SEL1L3: variants seen among roughly 807,000 people sequenced by gnomAD.
The protein encoded by SEL1L3 is SEL1L family member 3.
A neutral mutation model predicts 142.8 loss-of-function variants in SEL1L3; 76 were observed. The observed-to-expected ratio is 0.53, with a 90% CI of 0.44 to 0.64. The LOEUF (loss-of-function observed/expected upper bound fraction) is 0.64. Among genes scored for constraint, SEL1L3 ranks in the 30% least tolerant of loss-of-function variants. SEL1L3 has a pLI of 0.00. For missense variants in SEL1L3, 1,262 were observed against 1,381.7 expected (o/e 0.91, Z 1.37); for synonymous variants, 504 against 519.6 (o/e 0.97, Z 0.41).
At chr4:25,729,350 T>A in the SEL1L3 span, among the ~76,000 whole-genome samples, 4 of 146,348 alleles carry the variant, frequency 2.7e-5, no homozygotes, top group African/African-American at 1.1e-4. Flanking sequence ...ATATAACACA[T>A]GTTTGCTTAC....
At chr4:25,815,194 T>C (rs1316575821) in intron 9 of SEL1L3, among the ~76,000 whole-genome samples, 1 of 152,190 alleles carries the variant, frequency 6.6e-6, no homozygotes, top group Non-Finnish European at 1.5e-5. Flanking sequence ...GCTGTTCTAA[T>C]TTGGCACCAG....
intron 2 of SEL1L3, 53 bp from the exon 3 acceptor site, chr4:25,835,376 C>T (rs2109289087): frequency 1.9e-5 from 31 of 1,596,444 alleles, no homozygotes; most frequent in Non-Finnish European, 2.7e-5. Flanking sequence ...AACATTCCTT[C>T]CCAAACCACA....
intron 17 of SEL1L3, among the ~76,000 whole-genome samples, chr4:25,768,504 A>G (rs1718915041): frequency 1.3e-5 from 2 of 152,348 alleles, no homozygotes; most frequent in South Asian, 4.1e-4. Context: ...CAATTAATTC[A>G]ACGGTTCTGG....
intron 3 of SEL1L3, 43 bp from the exon 4 acceptor site, chr4:25,833,612 T>C: frequency 1.3e-6 from 2 of 1,543,440 alleles, no homozygotes; most frequent in Non-Finnish European, 8.8e-7. Flanking sequence ...ATTGATATCA[T>C]CCAAGAACAG....
chr4:25,837,356 A>T (rs1359898333), intron 2 of SEL1L3, among the ~76,000 whole-genome samples: 2 of 145,432 alleles, frequency 1.4e-5, no homozygotes, highest in Non-Finnish European at 3.0e-5. Context: ...TGTCAAAACA[A>T]ATGGGATTCA....
intron 20 of SEL1L3, among the ~76,000 whole-genome samples, chr4:25,761,556 T>G (rs1718381514): frequency 6.6e-6 from 1 of 152,234 alleles, no homozygotes; most frequent in African/African-American, 2.4e-5. Context: ...ATGTAATAGC[T>G]TAAGGTTCCT....
At chr4:25,752,519 C>T (rs187962451) in intron 23 of SEL1L3, among the ~76,000 whole-genome samples, 2 of 151,700 alleles carry the variant, frequency 1.3e-5, no homozygotes, top group Admixed American at 1.3e-4. Context: ...TGAGGTAAAT[C>T]AAGCTATTTA....
chr4:25,863,406 G>T, upstream of SEL1L3: 3 of 676,302 alleles, frequency 4.4e-6, no homozygotes, highest in Non-Finnish European at 5.4e-6. Context: ...CCTCTTCCTC[G>T]CTTCCGCATT....
chr4:25,767,221 G>A (rs1158600333), intron 19 of SEL1L3, among the ~76,000 whole-genome samples: 1 of 152,130 alleles, frequency 6.6e-6, no homozygotes, highest in Non-Finnish European at 1.5e-5. Context: ...GGAGGTGGAG[G>A]TTGCACTGAG....
chr4:25,747,571 C>A lies in SEL1L3; in HGVS notation c.*854G>T, dbSNP rs1181533098. 1.3e-5 allele frequency: 2 copies of A among 150,238 alleles called. No individual in the cohort carries two copies. The highest frequency in any genetic ancestry group is 2.9e-5 in the Non-Finnish European group (2 of 67,956). The allele number at this position is 150,238 out of a possible 1,614,324, so 9.3% of individuals were successfully genotyped here. ...TACAGACATTCTGCTCTTCCTCTTC[C>A]TCTCTAACACACACACACACACACA... On this transcript the variant is annotated 3_prime_UTR_variant, in exon 24 of 24. Coordinates refer to ENST00000399878, the MANE Select transcript of SEL1L3 (RefSeq NM_015187.5).
intron 20 of SEL1L3, among the ~76,000 whole-genome samples, chr4:25,762,972 G>T (rs1330342893): frequency 2.4e-5 from 3 of 123,840 alleles, no homozygotes; most frequent in African/African-American, 8.7e-5. Flanking sequence ...GAGACTCTGT[G>T]TCAAAAAAAA....
intron 9 of SEL1L3, among the ~76,000 whole-genome samples, chr4:25,808,822 C>T (rs1713787022): frequency 6.6e-6 from 1 of 152,290 alleles, no homozygotes; most frequent in Admixed American, 6.5e-5. Context: ...GTAATCCCAG[C>T]ACTTTGGGAG....
chr4:25,839,052 G>A (rs2109296336), intron 2 of SEL1L3, among the ~76,000 whole-genome samples: 1 of 152,328 alleles, frequency 6.6e-6, no homozygotes, highest in East Asian at 1.9e-4. Flanking sequence ...AAGTCTGTAA[G>A]CAAAATCTGC....
At chr4:25,724,977 T>C in the SEL1L3 span, among the ~76,000 whole-genome samples, 14 of 151,832 alleles carry the variant, frequency 9.2e-5, no homozygotes, top group East Asian at 2.0e-3. Flanking sequence ...TGTGCATGAG[T>C]CCCACTGAAC....
Position 25,833,206 on chromosome 4 carries a change from A to G in SEL1L3, c.983-96T>C, listed in dbSNP as rs978224895. 17 of 786,202 alleles carry G rather than the reference A, an allele frequency of 2.2e-5. No individual in the cohort carries two copies. The African/African-American group carries it at 2.9e-4, about 14-fold the overall frequency. 48.7% of individuals were successfully genotyped at this position (786,202 alleles called of 1,614,324 possible). On this transcript the variant is annotated intron_variant, in intron 4 of 23. Transcript: ENST00000399878. ...TTCAACAATTGTCCTAAGAAGCTAC[A>G]ATACTCCACGAAAACAAAGCAAAAC...
chr4:25,791,551 C>T (rs922371063), intron 11 of SEL1L3, among the ~76,000 whole-genome samples: 11 of 152,230 alleles, frequency 7.2e-5, no homozygotes, highest in South Asian at 6.2e-4. Context: ...TGCCCAAAGC[C>T]ATGCCACAGG....
At chr4:25,797,556 G>A (rs1032068288) in intron 11 of SEL1L3, among the ~76,000 whole-genome samples, 1 of 152,176 alleles carries the variant, frequency 6.6e-6, no homozygotes, top group Non-Finnish European at 1.5e-5. Context: ...CCAAATATGG[G>A]TGTCACATAC....
Position 25,748,137 on chromosome 4 carries a change from A to T in SEL1L3, c.*288T>A. ...GCCGTAGGGCATGCTATGACTCCTA[A>T]TACATACAATCACTAGAACAAAAGT... is the stretch of plus-strand genomic sequence containing the variant. On this transcript the variant is annotated 3_prime_UTR_variant, in exon 24 of 24. Coordinates refer to ENST00000399878, the MANE Select transcript of SEL1L3 (RefSeq NM_015187.5). 1 of 402,610 alleles carries T rather than the reference A, an allele frequency of 2.5e-6. No individual in the cohort carries two copies. The allele number at this position is 402,610 out of a possible 1,614,324, so 24.9% of individuals were successfully genotyped here.
At chr4:25,800,535 T>A (rs1713102217) in intron 11 of SEL1L3, among the ~76,000 whole-genome samples, 1 of 152,236 alleles carries the variant, frequency 6.6e-6, no homozygotes, top group African/African-American at 2.4e-5. Flanking sequence ...CTGTTGCTAA[T>A]TTATGCTGAA....
Sources: gnomAD v4.1 joint callset for allele counts (sites outside exome capture counted in the v4.1 genomes callset) on GRCh38, gnomAD v4.1.1 for gene constraint, MANE v1.5 for transcripts, NCBI Gene and HGNC (gene_info 2026-07-23, HGNC 2026-07-21) for gene names.